The following LRP1B variants were observed in gnomAD, a reference collection of about 807,000 sequenced individuals.
LRP1B encodes the protein LDL receptor related protein 1B.
A neutral mutation model predicts 556.6 loss-of-function variants in LRP1B; 217 were observed. The ratio of observed to expected loss-of-function variants is 0.39; its 90% CI spans 0.35 to 0.44. The LOEUF is 0.44. Ranked by LOEUF, LRP1B falls within the 20% of genes least tolerant of loss-of-function variation. LRP1B has a pLI of 1.00. For missense variants in LRP1B, 5,053 were observed against 5,620.8 expected (o/e 0.90, Z 3.23); for synonymous variants, 2,047 against 1,865.8 (o/e 1.10, Z -2.50).
chr2:141,432,839 A>T (rs1559067773), intron 3 of LRP1B, among the ~76,000 whole-genome samples: 1 of 143,200 alleles, frequency 7.0e-6, no homozygotes. Context: ...AATTTATTTC[A>T]AACTTCCGAT....
At chr2:141,029,367 C>T (rs574922116) in intron 11 of LRP1B, among the ~76,000 whole-genome samples, 3 of 152,134 alleles carry the variant, frequency 2.0e-5, no homozygotes, top group Admixed American at 6.6e-5. Flanking sequence ...GAGGCAGTCC[C>T]CTGTGGGCCT....
At chr2:140,403,381 A>G (rs1267070706) in intron 66 of LRP1B, among the ~76,000 whole-genome samples, 1 of 152,182 alleles carries the variant, frequency 6.6e-6, no homozygotes, top group Non-Finnish European at 1.5e-5. Context: ...TTTTTTAAAT[A>G]GGATATGAAT....
chr2:141,283,726 G>T (rs1685596741), intron 3 of LRP1B, among the ~76,000 whole-genome samples: 1 of 147,796 alleles, frequency 6.8e-6, no homozygotes. Flanking sequence ...CTCCAGACTA[G>T]CTGGGACTAC....
chr2:140,389,512 GAAAC>G (rs1381623270), intron 66 of LRP1B, among the ~76,000 whole-genome samples: 2 of 150,312 alleles, frequency 1.3e-5, no homozygotes, highest in East Asian at 1.9e-4. Flanking sequence ...AAACAAAAAT[GAAAC>G]AAACTAACAA....
chr2:142,048,717 T>A (rs1042422349), intron 1 of LRP1B, among the ~76,000 whole-genome samples: 1 of 152,006 alleles, frequency 6.6e-6, no homozygotes, highest in Non-Finnish European at 1.5e-5. Context: ...CATTCTTCAT[T>A]TCCAAGGCAA....
intron 1 of LRP1B, among the ~76,000 whole-genome samples, chr2:142,099,362 G>A (rs1178367804): frequency 4.0e-5 from 6 of 151,738 alleles, no homozygotes. Flanking sequence ...TTTTCAAAAG[G>A]CTACAAACCT....
At position 141,364,329 on chromosome 2, in the gene LRP1B, T is replaced by C. The variant is rs573944846; in HGVS notation, c.344-109688A>G. Among the ~76,000 whole-genome samples, 676 of 150,352 alleles carry C rather than the reference T, an allele frequency of 4.5e-3. 7 individuals are homozygous for C. The highest frequency in any genetic ancestry group is 0.016 in the African/African-American group (654 of 40,694). On this transcript the variant is annotated intron_variant, in intron 3 of 90. Transcript: ENST00000389484. ...CACACAGTTGAATGATTAAATCACA[T>C]ACACAGTGGAATAATTAAATCACGC...
At chr2:141,992,659 C>G (rs1033312086) in intron 1 of LRP1B, among the ~76,000 whole-genome samples, 1 of 152,122 alleles carries the variant, frequency 6.6e-6, no homozygotes, top group Admixed American at 6.6e-5. Flanking sequence ...AACCTGCATT[C>G]TGCCCGGTGT....
At chr2:141,121,667 A>G (rs1701052297) in intron 7 of LRP1B, among the ~76,000 whole-genome samples, 1 of 152,166 alleles carries the variant, frequency 6.6e-6, no homozygotes, top group African/African-American at 2.4e-5. Context: ...GAAAATGGCC[A>G]TACTGCCCAA....
At chr2:141,818,328 C>T (rs984291523) in intron 1 of LRP1B, among the ~76,000 whole-genome samples, 1 of 152,082 alleles carries the variant, frequency 6.6e-6, no homozygotes, top group Admixed American at 6.6e-5. Context: ...AATCCCCTTC[C>T]TTTACATTCA....
At chr2:142,087,517 C>T (rs1165906765) in intron 1 of LRP1B, among the ~76,000 whole-genome samples, 1 of 151,454 alleles carries the variant, frequency 6.6e-6, no homozygotes, top group Non-Finnish European at 1.5e-5. Context: ...CTCTGAGTCT[C>T]TGCCACTTAT....
chr2:140,929,783 C>CACACACAT (rs1341482296), intron 20 of LRP1B, among the ~76,000 whole-genome samples: 1 of 151,516 alleles, frequency 6.6e-6, no homozygotes, highest in Non-Finnish European at 1.5e-5. Flanking sequence ...CACACACACA[C>CACACACAT]ACACACACAC....
chr2:141,527,158 A>T (rs1684717982), intron 2 of LRP1B, among the ~76,000 whole-genome samples: 1 of 152,052 alleles, frequency 6.6e-6, no homozygotes, highest in South Asian at 2.1e-4. Flanking sequence ...TTTAGGCAGA[A>T]GCTCATTGCT....
Position 140,821,243 on chromosome 2 carries a change from A to T in LRP1B, c.5210-7437T>A, listed in dbSNP as rs187809085. Among the ~76,000 whole-genome samples the T allele has an allele frequency of 5.9e-5, 9 of 152,206 alleles. No individual in the cohort carries two copies. The East Asian group carries it at 1.7e-3, about 29-fold the overall frequency. On this transcript the variant is annotated intron_variant, in intron 31 of 90. Transcript: ENST00000389484. ...CACTTCATAACCTTTTTAAAAAATT[A>T]CCTCCCCCGCACCCCCAATTTAATA...
At chr2:141,057,443 C>A (rs1472056993) in intron 9 of LRP1B, among the ~76,000 whole-genome samples, 2 of 151,724 alleles carry the variant, frequency 1.3e-5, no homozygotes, top group Non-Finnish European at 2.9e-5. Context: ...TGTTGTTGCC[C>A]AGATATCTCT....
At chr2:140,996,152 T>C (rs1697239163) in intron 15 of LRP1B, among the ~76,000 whole-genome samples, 1 of 152,000 alleles carries the variant, frequency 6.6e-6, no homozygotes, top group African/African-American at 2.4e-5. Context: ...TCATTGTTCT[T>C]GACATAAGAA....
rs115882104 is a variant in LRP1B, at chr2:141,736,528, G to A, written c.205+73751C>T. 1.3e-3 allele frequency among the ~76,000 whole-genome samples: 203 copies of A among 152,200 alleles called. 1 individual carries two copies. The highest frequency in any genetic ancestry group is 4.7e-3 in the African/African-American group (194 of 41,550). On this transcript the variant is annotated intron_variant, in intron 2 of 90. Transcript: ENST00000389484. ...AGATGGCCACATGAAGCTAGTGGCC[G>A]AGACTCAAAGTATGCTGTCACAAGC...
At chr2:140,374,945 C>G (rs1009995894) in intron 68 of LRP1B, among the ~76,000 whole-genome samples, 3 of 151,956 alleles carry the variant, frequency 2.0e-5, no homozygotes, top group African/African-American at 7.3e-5. Flanking sequence ...AGATCTATAC[C>G]TTGAATTAAA....
chr2:140,450,532 T>G (rs374700374), intron 63 of LRP1B, 36 bp downstream of exon 63: 20 of 1,491,666 alleles, frequency 1.3e-5, no homozygotes, highest in Middle Eastern at 1.7e-4. Flanking sequence ...TAAGGAACTC[T>G]AAATTCTAAA....
Sources: gnomAD v4.1 joint callset for allele counts (sites outside exome capture counted in the v4.1 genomes callset) on GRCh38, gnomAD v4.1.1 for gene constraint, MANE v1.5 for transcripts, NCBI Gene and HGNC (gene_info 2026-07-23, HGNC 2026-07-21) for gene names.